The following LARP1 variants were observed in gnomAD, a reference collection of about 807,000 sequenced individuals.
The protein encoded by LARP1 is La ribonucleoprotein 1, translational regulator.
In LARP1, 36 loss-of-function variants were observed where a neutral mutation model predicts 122.7. That is an observed-to-expected ratio of 0.29 (90% CI 0.22 to 0.39). The LOEUF (loss-of-function observed/expected upper bound fraction) is 0.39. LARP1 is among the 10% of genes least tolerant of loss of function. The probability of loss-of-function intolerance (pLI) is 1.00; values close to 1 mark genes in which losing one functional copy is unlikely to be tolerated. For missense variants in LARP1, 1,040 were observed against 1,403.6 expected, an observed-to-expected ratio of 0.74 and a Z score of 4.14; for synonymous variants, 539 against 528.7, an observed-to-expected ratio of 1.02 and a Z score of -0.27.
At chr5:154,685,657 C>G in intron 1 of LARP1, 1 of 349,978 alleles carries the variant, frequency 2.9e-6, no homozygotes, top group Non-Finnish European at 5.6e-6. Flanking sequence ...CTCTGCTAGT[C>G]TATACGATGC....
upstream of LARP1, among the ~76,000 whole-genome samples, chr5:154,711,007 G>T (rs1755191093): frequency 6.6e-6 from 1 of 151,966 alleles, no homozygotes; most frequent in South Asian, 2.1e-4. Flanking sequence ...TTCTGAAAAT[G>T]AAAGTGGAAA....
intron 1 of LARP1, chr5:154,756,469 G>A: frequency 1.0e-6 from 1 of 985,756 alleles, no homozygotes; most frequent in Non-Finnish European, 1.2e-6. Flanking sequence ...GGCCTACCTC[G>A]TCGGCAGAGG....
At chr5:154,695,176 G>C (rs369469424) in intron 1 of LARP1, among the ~76,000 whole-genome samples, 7 of 151,690 alleles carry the variant, frequency 4.6e-5, no homozygotes, top group African/African-American at 1.4e-4. Context: ...TTAGCCAGGC[G>C]TGTTGGTGGG....
At chr5:154,800,840 C>T (rs1387642481) in intron 10 of LARP1, among the ~76,000 whole-genome samples, 1 of 152,192 alleles carries the variant, frequency 6.6e-6, no homozygotes, top group Non-Finnish European at 1.5e-5. Flanking sequence ...GATTACCTCT[C>T]ATCTCCTTTC....
intron 1 of LARP1, among the ~76,000 whole-genome samples, chr5:154,714,876 G>A (rs1755404134): frequency 6.6e-6 from 1 of 152,184 alleles, no homozygotes; most frequent in Admixed American, 6.5e-5. Context: ...ATGTGCACAG[G>A]AGCTAATGAA....
At chr5:154,793,174 T>C (rs1446868131) in intron 4 of LARP1, among the ~76,000 whole-genome samples, 3 of 151,968 alleles carry the variant, frequency 2.0e-5, no homozygotes, top group East Asian at 1.9e-4. Context: ...CCTATTTCCT[T>C]CTTCTTCTAG....
At position 154,814,620 on chromosome 5, in the gene LARP1, G is replaced by C. The variant is rs1047821751; in HGVS notation, c.*524G>C. The C allele has an allele frequency of 4.6e-5, 7 of 152,454 alleles. No individual in the cohort carries two copies. Among genetic ancestry groups the C allele is most frequent in the African/African-American group, 1.4e-4 (6 of 41,428 alleles). 9.4% of individuals were successfully genotyped at this position (152,454 alleles called of 1,614,324 possible). A position where few individuals can be genotyped will look rare whatever the true frequency, so the allele number is the denominator to read the frequency against. Reference sequence around the variant, plus strand: ...GAGCATCAGCCCCTTGATCATCTGGGGTTTGTCATCACCATATTTTCTCCC... The same window carrying C: ...GAGCATCAGCCCCTTGATCATCTGGCGTTTGTCATCACCATATTTTCTCCC... On this transcript the variant is annotated 3_prime_UTR_variant, in exon 19 of 19. Transcript: ENST00000518297.
chr5:154,760,199 A>G (rs1582313951), intron 1 of LARP1, among the ~76,000 whole-genome samples: 1 of 151,964 alleles, frequency 6.6e-6, no homozygotes, highest in African/African-American at 2.4e-5. Context: ...TGGCCTCCCA[A>G]AGTTTTGGGT....
rs552003907 is a variant in LARP1 at position 154,702,298 on chromosome 5, G to A, written c.-180+19261G>A. Among the ~76,000 whole-genome samples the A allele has an allele frequency of 4.6e-5, 7 of 152,284 alleles. No homozygotes were observed. In the East Asian group the frequency reaches 1.4e-3, roughly 29 times the overall value. Reference sequence around the variant, plus strand: ...TGGCCAGGTGCGGTGGCTCATGCCTGTAATCCCAGTGCTTTGGGAGGCCAA... The same window carrying A: ...TGGCCAGGTGCGGTGGCTCATGCCTATAATCCCAGTGCTTTGGGAGGCCAA... On this transcript the variant is annotated intron_variant, in intron 1 of 18. Transcript: ENST00000687700.
intron 1 of LARP1, among the ~76,000 whole-genome samples, chr5:154,775,189 A>G (rs1470598510): frequency 3.3e-5 from 5 of 152,160 alleles, no homozygotes; most frequent in Non-Finnish European, 7.3e-5. Context: ...AGTCACAGCT[A>G]CTTGGGTGGC....
chr5:154,743,507 C>T lies in LARP1; in HGVS notation c.205+30377C>T, dbSNP rs543016397. ...TATTTTTAGTAGAGATGGGGTTTCA[C>T]CAGATTGTCCAGGCTGGTCTCGAAC... On this transcript the variant is annotated intron_variant, in intron 1 of 18. Coordinates refer to the LARP1 transcript ENST00000336314. 2.0e-5 allele frequency among the ~76,000 whole-genome samples: 3 copies of T among 152,022 alleles called. No individual in the cohort carries two copies. The South Asian group carries it at 6.2e-4, about 32-fold the overall frequency.
chr5:154,771,846 C>G (rs953995119), intron 1 of LARP1, among the ~76,000 whole-genome samples: 2 of 151,898 alleles, frequency 1.3e-5, no homozygotes, highest in African/African-American at 4.8e-5. Context: ...GCCTTAGGGT[C>G]AGTAGGAAAG....
chr5:154,781,362 G>A (rs1756413143), intron 1 of LARP1, among the ~76,000 whole-genome samples: 1 of 152,214 alleles, frequency 6.6e-6, no homozygotes, highest in Admixed American at 6.5e-5. Context: ...GGGAGGCCGA[G>A]GCGGGCGGAT....
chr5:154,778,480 G>GT (rs1365071836), intron 1 of LARP1, among the ~76,000 whole-genome samples: 2 of 152,144 alleles, frequency 1.3e-5, no homozygotes, highest in East Asian at 1.9e-4. Flanking sequence ...AGGAATCTAC[G>GT]TTTTGACAAG....
chr5:154,796,144 A>G (rs1165589011), intron 8 of LARP1, among the ~76,000 whole-genome samples: 2 of 127,142 alleles, frequency 1.6e-5, no homozygotes, highest in South Asian at 4.3e-4. Context: ...ATATATTTAT[A>G]TATTATATAT....
intron 1 of LARP1, among the ~76,000 whole-genome samples, chr5:154,740,999 G>T (rs1169663546): frequency 6.6e-6 from 1 of 152,202 alleles, no homozygotes; most frequent in Non-Finnish European, 1.5e-5. Flanking sequence ...GGGGCACTGG[G>T]ATCAAGTGAG....
intron 1 of LARP1, among the ~76,000 whole-genome samples, chr5:154,769,351 A>C (rs1430042404): frequency 1.3e-5 from 2 of 152,170 alleles, no homozygotes. Context: ...TCCTTCCAAC[A>C]TGAGGTCTAT....
intron 1 of LARP1, among the ~76,000 whole-genome samples, chr5:154,786,282 C>G (rs758038135): frequency 3.2e-4 from 48 of 152,148 alleles, no homozygotes; most frequent in Non-Finnish European, 5.9e-4. Flanking sequence ...CTCAGGTAAT[C>G]TGCCCGCCTC....
At chr5:154,782,345 T>C (rs761528719) in intron 1 of LARP1, among the ~76,000 whole-genome samples, 2 of 152,186 alleles carry the variant, frequency 1.3e-5, no homozygotes, top group Non-Finnish European at 2.9e-5. Flanking sequence ...GCCGCTGATA[T>C]ATTTCAGCTG....
Sources: gnomAD v4.1 joint callset for allele counts (sites outside exome capture counted in the v4.1 genomes callset) on GRCh38, gnomAD v4.1.1 for gene constraint, MANE v1.5 for transcripts, NCBI Gene and HGNC (gene_info 2026-07-23, HGNC 2026-07-21) for gene names.